Variants in SLC24A4 observed in about 807,000 individuals in gnomAD.
SLC24A4 encodes the protein sodium/potassium/calcium exchanger 4.
A neutral mutation model predicts 79.0 loss-of-function variants in SLC24A4; 53 were observed. That is an observed-to-expected ratio of 0.67 (90% CI 0.54 to 0.84). The LOEUF (loss-of-function observed/expected upper bound fraction) is 0.84. SLC24A4 is among the 40% of genes least tolerant of loss of function. The probability of loss-of-function intolerance (pLI) is 0.00; values close to 1 mark genes in which losing one functional copy is unlikely to be tolerated. For missense variants in SLC24A4, 731 were observed against 822.0 expected, an observed-to-expected ratio of 0.89 and a Z score of 1.35; for synonymous variants, 323 against 323.8, an observed-to-expected ratio of 1.00 and a Z score of 0.03.
intron 2 of SLC24A4, among the ~76,000 whole-genome samples, chr14:92,394,753 T>C (rs185549435): frequency 8.5e-5 from 13 of 152,384 alleles, no homozygotes; most frequent in Non-Finnish European, 1.3e-4. Context: ...CAAATAACTT[T>C]GGAAACTACT....
chr14:92,461,247 C>T (rs17128324), intron 12 of SLC24A4, among the ~76,000 whole-genome samples: 25,812 of 152,136 alleles, frequency 0.17, 2,396 homozygotes, highest in Middle Eastern at 0.34. Context: ...CTTACCAGGA[C>T]GCTGGCCTTC....
chr14:92,452,164 G>A (rs1035409786), intron 10 of SLC24A4: 11 of 152,238 alleles, frequency 7.2e-5, no homozygotes, highest in African/African-American at 2.7e-4. Context: ...CTGTACTCCT[G>A]GAATTAGAGA....
At chr14:92,363,700 C>T (rs1057180683) in intron 2 of SLC24A4, among the ~76,000 whole-genome samples, 7 of 152,192 alleles carry the variant, frequency 4.6e-5, no homozygotes, top group East Asian at 1.9e-4. Context: ...CATGGTGGCA[C>T]GCATCTGTGG....
intron 2 of SLC24A4, among the ~76,000 whole-genome samples, chr14:92,372,463 G>T (rs957225100): frequency 6.6e-6 from 1 of 152,182 alleles, no homozygotes; most frequent in Admixed American, 6.5e-5. Flanking sequence ...GGTGTGGTGG[G>T]TGTGTGCTCA....
chr14:92,427,761 G>C (rs1488213413), intron 2 of SLC24A4, among the ~76,000 whole-genome samples: 1 of 152,248 alleles, frequency 6.6e-6, no homozygotes, highest in African/African-American at 2.4e-5. Context: ...AAGGCCGAAG[G>C]AGCAGCGCTA....
rs1890175362 is a variant in SLC24A4 at position 92,402,634 on chromosome 14, G to A, written c.242-31278G>A. ...TTAATTGGACTTACAGTTCCACATG[G>A]CTGGGGAAGCCTCATAATCATGGCA... On this transcript the variant is annotated intron_variant, in intron 2 of 16. Transcript: ENST00000532405. Among the ~76,000 whole-genome samples the A allele has an allele frequency of 2.0e-5, 3 of 152,162 alleles. 1 individual carries two copies. The highest frequency in any genetic ancestry group is 4.2e-4 in the South Asian group (2 of 4,814).
intron 12 of SLC24A4, chr14:92,457,140 C>T (rs1347863173): frequency 6.3e-6 from 1 of 159,990 alleles, no homozygotes; most frequent in Non-Finnish European, 1.4e-5. Flanking sequence ...AGCCAGCCCT[C>T]CAGGGTCCTC....
rs78739077 is a variant in SLC24A4, at chr14:92,493,116, G to T, written c.1717-360G>T. Among the ~76,000 whole-genome samples, 1,045 of 152,144 alleles carry T rather than the reference G, an allele frequency of 6.9e-3. 47 individuals are homozygous for T. The East Asian group carries it at 0.11, about 17-fold the overall frequency. On this transcript the variant is annotated intron_variant, in intron 16 of 16. Coordinates refer to ENST00000532405, the MANE Select transcript of SLC24A4 (RefSeq NM_153646.4). ...TGGTTCCACGCTCTGAAGCACAGGG[G>T]TCATCCAGCTAAAGCCCCCATTTGT...
chr14:92,387,963 C>T (rs989317663), intron 2 of SLC24A4, among the ~76,000 whole-genome samples: 2 of 152,236 alleles, frequency 1.3e-5, no homozygotes, highest in African/African-American at 4.8e-5. Context: ...GACATTCACA[C>T]TGTTTCCACC....
chr14:92,404,226 T>C lies in SLC24A4; in HGVS notation c.242-29686T>C, dbSNP rs146817866. ...CTACCATCGTCTCTGGCTGGACTAT[T>C]GCATAGCCCAGCTGGTCTTGCTTTC... is the stretch of plus-strand genomic sequence containing the variant. On this transcript the variant is annotated intron_variant, in intron 2 of 16. Coordinates refer to ENST00000532405, the MANE Select transcript of SLC24A4 (RefSeq NM_153646.4). 4.1e-3 allele frequency among the ~76,000 whole-genome samples: 627 copies of C among 152,360 alleles called. 9 individuals carry two copies. The highest frequency in any genetic ancestry group is 0.034 in the East Asian group (176 of 5,186).
rs1214120656 is a variant in SLC24A4, at chr14:92,325,914, G to A, written c.177G>A (p.Trp59Ter). The A allele has an allele frequency of 6.2e-7, 1 of 1,612,922 alleles. No homozygotes were observed. The highest frequency in any genetic ancestry group is 1.7e-5 in the Admixed American group (1 of 59,872). The change falls in exon 2 of 17, where the codon TGG becomes TGA. Residue 59 changes from tryptophan to a stop codon, truncating the protein, a stop_gained. Coordinates refer to ENST00000532405, the MANE Select transcript of SLC24A4 (RefSeq NM_153646.4). LOFTEE classifies it high-confidence loss of function. ...SASKRVLPDT[W>*]RNRKLMAPVN... ...GCAAACGTGTCCTGCCAGACACGTG[G>A]AGAAATAGAAAGTTGATGGCCCCAG...
At chr14:92,448,690 G>T (rs1402854022) in intron 9 of SLC24A4, among the ~76,000 whole-genome samples, 3 of 152,136 alleles carry the variant, frequency 2.0e-5, no homozygotes, top group African/African-American at 7.2e-5. Flanking sequence ...AGCATCCTGG[G>T]AGCAAGATCT....
chr14:92,378,925 G>T (rs2141705702), intron 2 of SLC24A4, among the ~76,000 whole-genome samples: 1 of 152,240 alleles, frequency 6.6e-6, no homozygotes. Flanking sequence ...AGCTGAGTGT[G>T]GTGGTGCATA....
intron 2 of SLC24A4, among the ~76,000 whole-genome samples, chr14:92,399,314 G>C (rs1280359119): frequency 6.6e-6 from 1 of 152,210 alleles, no homozygotes; most frequent in African/African-American, 2.4e-5. Flanking sequence ...TAGGGATAAA[G>C]ATTTTCCATT....
chr14:92,335,006 C>T (rs1885701695), intron 2 of SLC24A4, among the ~76,000 whole-genome samples: 1 of 152,110 alleles, frequency 6.6e-6, no homozygotes. Flanking sequence ...CTCGTAACAA[C>T]TCTGAAGGCA....
At chr14:92,386,939 C>T (rs376024658) in intron 2 of SLC24A4, among the ~76,000 whole-genome samples, 16 of 152,254 alleles carry the variant, frequency 1.1e-4, no homozygotes, top group African/African-American at 2.2e-4. Context: ...CTGGTTCATG[C>T]ACAAATGCAC....
At chr14:92,325,290 G>A (rs1001498581) in intron 1 of SLC24A4, among the ~76,000 whole-genome samples, 13 of 152,212 alleles carry the variant, frequency 8.5e-5, no homozygotes, top group Admixed American at 3.9e-4. Flanking sequence ...GCGGGCCTCC[G>A]CAAATTCTCT....
chr14:92,432,427 G>A (rs2139786431), intron 2 of SLC24A4, among the ~76,000 whole-genome samples: 1 of 152,296 alleles, frequency 6.6e-6, no homozygotes, highest in Non-Finnish European at 1.5e-5. Context: ...ACCCTGGTTT[G>A]GAGAATCAGG....
At chr14:92,472,267 A>G (rs554138812) in intron 12 of SLC24A4, among the ~76,000 whole-genome samples, 2 of 152,240 alleles carry the variant, frequency 1.3e-5, no homozygotes, top group South Asian at 2.1e-4. Context: ...TTTCATTTCC[A>G]TAAGTTTTGG....
Sources: gnomAD v4.1 joint callset for allele counts (sites outside exome capture counted in the v4.1 genomes callset) on GRCh38, gnomAD v4.1.1 for gene constraint, MANE v1.5 for transcripts, NCBI Gene and HGNC (gene_info 2026-07-23, HGNC 2026-07-21) for gene names.